The following SPATA16 variants were observed in gnomAD, a reference collection of about 807,000 sequenced individuals.
The protein encoded by SPATA16 is spermatogenesis associated 16.
Under a neutral mutation model 63.3 loss-of-function variants are expected in SPATA16, and 36 were observed. The observed-to-expected ratio is 0.57, with a 90% CI of 0.44 to 0.75. The LOEUF (loss-of-function observed/expected upper bound fraction) is 0.75, where lower values mean the gene tolerates loss of function less well. SPATA16 is among the 30% of genes least tolerant of loss of function. The probability of loss-of-function intolerance (pLI) is 0.00; values close to 1 mark genes in which losing one functional copy is unlikely to be tolerated. For synonymous variants in SPATA16, 203 were observed against 216.7 expected, an observed-to-expected ratio of 0.94 and a Z score of 0.56; for missense variants, 646 against 679.3, an observed-to-expected ratio of 0.95 and a Z score of 0.54.
intron 6 of SPATA16, among the ~76,000 whole-genome samples, chr3:172,951,648 A>G (rs1214310739): frequency 6.6e-6 from 1 of 152,178 alleles, no homozygotes; most frequent in Non-Finnish European, 1.5e-5. Context: ...GAGGACCTCC[A>G]TTGTGAATAC....
intron 4 of SPATA16, among the ~76,000 whole-genome samples, chr3:172,984,308 T>G (rs1734391712): frequency 6.6e-6 from 1 of 152,168 alleles, no homozygotes; most frequent in Non-Finnish European, 1.5e-5. Context: ...CAGTGCCTCC[T>G]ACAACATCTG....
At chr3:172,914,312 A>G (rs773998980) in intron 9 of SPATA16, among the ~76,000 whole-genome samples, 5 of 152,156 alleles carry the variant, frequency 3.3e-5, no homozygotes, top group African/African-American at 9.7e-5. Flanking sequence ...CCTTTGCCCC[A>G]AACAGGCACC....
intron 4 of SPATA16, among the ~76,000 whole-genome samples, chr3:172,989,024 G>A (rs1452935345): frequency 6.6e-6 from 1 of 152,182 alleles, no homozygotes; most frequent in African/African-American, 2.4e-5. Flanking sequence ...ATTATGATGT[G>A]CTTAAACTTG....
At chr3:172,902,975 C>T (rs1024734330) in intron 10 of SPATA16, among the ~76,000 whole-genome samples, 14 of 152,260 alleles carry the variant, frequency 9.2e-5, no homozygotes, top group Middle Eastern at 3.4e-3. Flanking sequence ...ATAATGAATA[C>T]ACTACAAATG....
chr3:173,138,798 TCAACTC>T (rs1423806410), intron 1 of SPATA16, among the ~76,000 whole-genome samples: 1 of 152,212 alleles, frequency 6.6e-6, no homozygotes, highest in African/African-American at 2.4e-5. Flanking sequence ...CTGTATCAGG[TCAACTC>T]AATTACCTTT....
intron 8 of SPATA16, among the ~76,000 whole-genome samples, chr3:172,919,692 T>G (rs996624608): frequency 3.9e-5 from 6 of 152,140 alleles, no homozygotes; most frequent in Non-Finnish European, 7.3e-5. Context: ...TATTTTTTTT[T>G]TTTGAGGCAG....
chr3:172,910,092 C>CTTTTTT (rs35827342), intron 10 of SPATA16, among the ~76,000 whole-genome samples: 4 of 127,158 alleles, frequency 3.1e-5, no homozygotes, highest in Admixed American at 8.1e-5. Context: ...ACAGCAAATG[C>CTTTTTT]TTTTTTTTTT....
chr3:172,952,058 T>C (rs990215156), intron 6 of SPATA16, among the ~76,000 whole-genome samples: 8 of 152,198 alleles, frequency 5.3e-5, no homozygotes, highest in African/African-American at 1.9e-4. Flanking sequence ...AGTGTCTCTC[T>C]GGAAATATTA....
intron 4 of SPATA16, among the ~76,000 whole-genome samples, chr3:173,014,526 C>G (rs1226376185): frequency 6.6e-6 from 1 of 152,204 alleles, no homozygotes; most frequent in Non-Finnish European, 1.5e-5. Flanking sequence ...GCATCCCAAA[C>G]CTCAGTGTCA....
intron 10 of SPATA16, among the ~76,000 whole-genome samples, chr3:172,898,035 T>A (rs1404385928): frequency 6.6e-6 from 1 of 152,074 alleles, no homozygotes; most frequent in Non-Finnish European, 1.5e-5. Flanking sequence ...TCTTCTGTAA[T>A]CTGTTTATAT....
intron 4 of SPATA16, among the ~76,000 whole-genome samples, chr3:173,011,586 C>T (rs997051336): frequency 7.9e-5 from 12 of 152,036 alleles, no homozygotes; most frequent in African/African-American, 2.7e-4. Flanking sequence ...TATTCAACAT[C>T]GTACTGCAAG....
At chr3:172,991,692 T>G (rs1218531584) in intron 4 of SPATA16, among the ~76,000 whole-genome samples, 4 of 152,084 alleles carry the variant, frequency 2.6e-5, no homozygotes, top group Admixed American at 2.6e-4. Context: ...TAGATGCATT[T>G]CACTGCTTCA....
At chr3:172,954,418 A>G (rs765978594) in intron 6 of SPATA16, among the ~76,000 whole-genome samples, 4 of 152,202 alleles carry the variant, frequency 2.6e-5, no homozygotes, top group Non-Finnish European at 5.9e-5. Flanking sequence ...GGTTATTACA[A>G]TTCAAGATGA....
At chr3:172,972,066 G>C (rs1734059110) in intron 5 of SPATA16, among the ~76,000 whole-genome samples, 1 of 152,118 alleles carries the variant, frequency 6.6e-6, no homozygotes, top group Admixed American at 6.6e-5. Flanking sequence ...TTGAGAGTAG[G>C]ACTAATCACA....
In SPATA16 at chr3:173,117,152, A is replaced by C. The variant is rs1171710534; in HGVS notation, c.580T>G (p.Leu194Val). 3 of 1,613,966 alleles carry C rather than the reference A, an allele frequency of 1.9e-6. No individual in the cohort carries two copies. Among genetic ancestry groups the C allele is most frequent in the Non-Finnish European group, 2.5e-6 (3 of 1,179,962 alleles). The change falls in exon 2 of 11, where the codon TTG becomes GTG. Residue 194 changes from leucine to valine, a missense_variant. By Grantham distance (32) the Leu-to-Val change is conservative. Coordinates refer to ENST00000351008, the MANE Select transcript of SPATA16 (RefSeq NM_031955.6). ...GCTGTTCTGAACTGTCCTGCTGCCA[A>C]GGCGTATTTCTTTTGTCTATAGCAA... ...SSCYRQKKYA[L>V]AAGQFRTALE...
chr3:172,973,920 A>C (rs1734098892), intron 5 of SPATA16, among the ~76,000 whole-genome samples: 1 of 152,184 alleles, frequency 6.6e-6, no homozygotes, highest in African/African-American at 2.4e-5. Context: ...AAGTACAGTC[A>C]TGACAAGTTA....
intron 2 of SPATA16, among the ~76,000 whole-genome samples, chr3:173,062,976 GC>G (rs1300750065): frequency 6.6e-6 from 1 of 152,134 alleles, no homozygotes; most frequent in Admixed American, 6.6e-5. Context: ...ATGCTCGCTG[GC>G]CCCCCACTCA....
chr3:172,891,476 C>T (rs1731894482), intron 10 of SPATA16, among the ~76,000 whole-genome samples: 1 of 152,282 alleles, frequency 6.6e-6, no homozygotes, highest in African/African-American at 2.4e-5. Flanking sequence ...TGTTCACCTC[C>T]TACCTGGCCT....
chr3:173,139,565 T>C (rs1247118154), intron 1 of SPATA16, among the ~76,000 whole-genome samples: 1 of 152,220 alleles, frequency 6.6e-6, no homozygotes, highest in East Asian at 1.9e-4. Context: ...TACTATGGCC[T>C]ACAATTGTTG....
Sources: allele counts gnomAD v4.1 joint callset (sites outside exome capture counted in the v4.1 genomes callset), GRCh38; gene constraint gnomAD v4.1.1; transcripts MANE v1.5; gene names NCBI Gene and HGNC (gene_info 2026-07-23, HGNC 2026-07-21).